Variants in CMSS1 observed in about 807,000 individuals in gnomAD.
CMSS1 encodes the protein protein CMSS1.
A neutral mutation model predicts 43.5 loss-of-function variants in CMSS1; 33 were observed. That is an observed-to-expected ratio of 0.76 (90% confidence interval 0.57 to 1.01). The LOEUF is 1.01. Among genes scored for constraint, CMSS1 ranks in the 50% least tolerant of loss-of-function variants. CMSS1 has a pLI of 0.00. For missense variants in CMSS1, 313 were observed against 326.4 expected, an observed-to-expected ratio of 0.96 and a Z score of 0.32; for synonymous variants, 115 against 117.2, an observed-to-expected ratio of 0.98 and a Z score of 0.12.
At chr3:100,127,136 C>T (rs1392493461) in intron 1 of CMSS1, among the ~76,000 whole-genome samples, 1 of 152,190 alleles carries the variant, frequency 6.6e-6, no homozygotes, top group Non-Finnish European at 1.5e-5. Context: ...ATTTGTGGGA[C>T]TCAAAATCAT....
intron 1 of CMSS1, among the ~76,000 whole-genome samples, chr3:100,043,179 T>C (rs2065231847): frequency 6.6e-6 from 1 of 152,202 alleles, no homozygotes; most frequent in African/African-American, 2.4e-5. Flanking sequence ...TCAGAGAGGC[T>C]TTCTTCAGGC....
intron 1 of CMSS1, among the ~76,000 whole-genome samples, chr3:100,118,788 G>A (rs1387546066): frequency 1.3e-5 from 2 of 152,120 alleles, no homozygotes; most frequent in African/African-American, 4.8e-5. Flanking sequence ...TGTATGGGGA[G>A]GAAAGGAGGG....
At chr3:99,900,678 A>G (rs1706406652) in intron 1 of CMSS1, among the ~76,000 whole-genome samples, 1 of 152,218 alleles carries the variant, frequency 6.6e-6, no homozygotes, top group South Asian at 2.1e-4. Context: ...TCATTGTGTA[A>G]TCTTCCCTCT....
intron 1 of CMSS1, among the ~76,000 whole-genome samples, chr3:100,051,025 C>A (rs983509167): frequency 2.0e-5 from 3 of 152,022 alleles, no homozygotes; most frequent in Non-Finnish European, 2.9e-5. Flanking sequence ...CAATCTTATA[C>A]CCACCTTCAA....
chr3:100,126,954 C>T (rs924474243), intron 1 of CMSS1, among the ~76,000 whole-genome samples: 3 of 151,568 alleles, frequency 2.0e-5, no homozygotes, highest in African/African-American at 4.8e-5. Context: ...GCCGAGATCT[C>T]GCCACTGCAC....
chr3:99,848,600 T>C (rs1206677113), intron 1 of CMSS1: 11 of 1,614,064 alleles, frequency 6.8e-6, no homozygotes, highest in African/African-American at 1.3e-5. Context: ...TGCTTGGCAC[T>C]GATTTCTGTT....
intron 1 of CMSS1, among the ~76,000 whole-genome samples, chr3:99,864,654 C>T (rs1288208413): frequency 6.6e-6 from 1 of 152,016 alleles, no homozygotes; most frequent in South Asian, 2.1e-4. Flanking sequence ...CTTTCTGCTC[C>T]ACCCACTTGG....
At chr3:100,131,866 T>C (rs932804751) in intron 1 of CMSS1, among the ~76,000 whole-genome samples, 3 of 152,182 alleles carry the variant, frequency 2.0e-5, no homozygotes, top group Admixed American at 2.0e-4. Context: ...ATTGGGACAA[T>C]TGATTAAATA....
chr3:100,153,883 C>T (rs1049421122), intron 2 of CMSS1, among the ~76,000 whole-genome samples: 1 of 148,296 alleles, frequency 6.7e-6, no homozygotes, highest in Non-Finnish European at 1.5e-5. Context: ...TGGAGTCTTG[C>T]TCTGTCGCCC....
At chr3:99,990,766 T>G (rs530655242) in intron 1 of CMSS1, among the ~76,000 whole-genome samples, 5 of 152,182 alleles carry the variant, frequency 3.3e-5, no homozygotes, top group African/African-American at 9.6e-5. Flanking sequence ...GAAAAAAAAT[T>G]TACCTATATT....
intron 1 of CMSS1, among the ~76,000 whole-genome samples, chr3:100,093,686 G>A (rs2066153119): frequency 6.6e-6 from 1 of 152,022 alleles, no homozygotes; most frequent in South Asian, 2.1e-4. Context: ...ACCTTTTATA[G>A]CCACAACCAT....
Position 99,900,136 on chromosome 3 carries a change from GAATT to G in CMSS1, c.64+82098_64+82101del, listed in dbSNP as rs375105890. On this transcript the variant is annotated intron_variant, in intron 1 of 9. Transcript: ENST00000421999. ...GGTATTCAGTAAATATGTATTGGAT[GAATT>G]AATTTAAAAATTAAAAATATTATAT... Among the ~76,000 whole-genome samples the G allele has an allele frequency of 3.4e-3, 514 of 152,176 alleles. 2 individuals are homozygous for G. Among genetic ancestry groups the G allele is most frequent in the Non-Finnish European group, 4.8e-3 (329 of 67,998 alleles).
chr3:100,094,536 A>G (rs1050563219), intron 1 of CMSS1, among the ~76,000 whole-genome samples: 8 of 152,038 alleles, frequency 5.3e-5, no homozygotes, highest in African/African-American at 1.9e-4. Context: ...CTTATTTTCT[A>G]AGAGAATTTT....
chr3:100,155,963 G>T (rs562994748), intron 2 of CMSS1, among the ~76,000 whole-genome samples: 1 of 152,236 alleles, frequency 6.6e-6, no homozygotes, highest in South Asian at 2.1e-4. Flanking sequence ...AAATTTCACA[G>T]TGATGCTCCT....
chr3:100,173,758 G>C (rs751740254), intron 8 of CMSS1, among the ~76,000 whole-genome samples: 1 of 152,130 alleles, frequency 6.6e-6, no homozygotes, highest in Non-Finnish European at 1.5e-5. Context: ...CATGCACATG[G>C]TATATCACAA....
chr3:99,916,435 T>TACACAC (rs1491315247), intron 1 of CMSS1, among the ~76,000 whole-genome samples: 89 of 120,210 alleles, frequency 7.4e-4, no homozygotes, highest in African/African-American at 2.9e-3. Context: ...AATAACGGTT[T>TACACAC]ATACACACAC....
chr3:99,981,766 G>A (rs1196006936), intron 1 of CMSS1, among the ~76,000 whole-genome samples: 2 of 152,152 alleles, frequency 1.3e-5, no homozygotes, highest in East Asian at 3.9e-4. Flanking sequence ...TTACCCAAAA[G>A]AGGAAGAAAT....
At chr3:99,909,725 C>T (rs1706732658) in intron 1 of CMSS1, among the ~76,000 whole-genome samples, 1 of 152,092 alleles carries the variant, frequency 6.6e-6, no homozygotes, top group Non-Finnish European at 1.5e-5. Flanking sequence ...CTCATAATAA[C>T]TTAAAGTTGC....
intron 1 of CMSS1, among the ~76,000 whole-genome samples, chr3:99,989,565 T>G (rs962195990): frequency 6.6e-6 from 1 of 152,168 alleles, no homozygotes; most frequent in Non-Finnish European, 1.5e-5. Context: ...GTTTCACTGC[T>G]CTTGCAAGCT....
Sources: allele counts gnomAD v4.1 joint callset (sites outside exome capture counted in the v4.1 genomes callset), GRCh38; gene constraint gnomAD v4.1.1; transcripts MANE v1.5; gene names NCBI Gene and HGNC (gene_info 2026-07-23, HGNC 2026-07-21).